The following PTPRG variants were observed in gnomAD, a reference collection of about 807,000 sequenced individuals.
PTPRG encodes protein tyrosine phosphatase receptor type G.
Under a neutral mutation model 165.3 loss-of-function variants are expected in PTPRG, and 102 were observed. The observed-to-expected ratio is 0.62, with a 90% CI of 0.53 to 0.73. The LOEUF is 0.73. PTPRG is among the 30% of genes least tolerant of loss of function. The probability of loss-of-function intolerance (pLI) is 0.00; values close to 1 mark genes in which losing one functional copy is unlikely to be tolerated. For synonymous variants in PTPRG, 675 were observed against 669.5 expected, an observed-to-expected ratio of 1.01 and a Z score of -0.13; for missense variants, 1,866 against 1,861.4, an observed-to-expected ratio of 1.00 and a Z score of -0.05.
intron 2 of PTPRG, among the ~76,000 whole-genome samples, chr3:61,917,781 A>C (rs1048272675): frequency 6.6e-6 from 1 of 152,000 alleles, no homozygotes; most frequent in Non-Finnish European, 1.5e-5. Context: ...AAAATACAAA[A>C]CATTATCCGG....
At chr3:62,291,026 C>A (rs912446049) in intron 28 of PTPRG, among the ~76,000 whole-genome samples, 2 of 152,000 alleles carry the variant, frequency 1.3e-5, no homozygotes, top group Admixed American at 6.6e-5. Context: ...AAAAATAACT[C>A]CTATATAAAT....
intron 2 of PTPRG, among the ~76,000 whole-genome samples, chr3:61,829,584 C>T (rs2036213716): frequency 6.6e-6 from 1 of 152,250 alleles, no homozygotes; most frequent in African/African-American, 2.4e-5. Flanking sequence ...GTCTCTTTCT[C>T]TTGGATTTGA....
At chr3:61,569,576 C>A (rs146367344) in intron 1 of PTPRG, among the ~76,000 whole-genome samples, 13 of 152,322 alleles carry the variant, frequency 8.5e-5, no homozygotes, top group African/African-American at 3.1e-4. Flanking sequence ...ACCTCAACTT[C>A]CCAAAGTGCT....
intron 2 of PTPRG, among the ~76,000 whole-genome samples, chr3:61,934,592 G>A (rs2039439928): frequency 1.3e-5 from 2 of 151,980 alleles, no homozygotes; most frequent in African/African-American, 4.8e-5. Context: ...GATCACAGGT[G>A]GGGACCCCAG....
At chr3:62,181,624 TGG>T (rs1267264101) in intron 8 of PTPRG, among the ~76,000 whole-genome samples, 2 of 152,238 alleles carry the variant, frequency 1.3e-5, no homozygotes, top group Non-Finnish European at 2.9e-5. Context: ...TAGTGCTAGA[TGG>T]GTTTAACCAT....
Position 61,699,907 on chromosome 3 carries a change from A to T in PTPRG, c.86-48971A>T, listed in dbSNP as rs1006964746. Among the ~76,000 whole-genome samples, 8 of 152,168 alleles carry T rather than the reference A, an allele frequency of 5.3e-5. No homozygotes were observed. In the South Asian group the frequency reaches 1.5e-3, roughly 28 times the overall value. ...ATAATAAGGTTAAATACAAAAGGAG[A>T]CTCAACCTCAGAGTGGCTGCTTTTG... On this transcript the variant is annotated intron_variant, in intron 1 of 29. Coordinates refer to ENST00000474889, the MANE Select transcript of PTPRG (RefSeq NM_002841.4).
chr3:62,026,658 C>T (rs2041809661), intron 4 of PTPRG, among the ~76,000 whole-genome samples: 2 of 151,998 alleles, frequency 1.3e-5, no homozygotes, highest in South Asian at 2.1e-4. Context: ...AGGCCAAGGT[C>T]GGTGGATCAT....
At chr3:61,702,688 C>G (rs145133572) in intron 1 of PTPRG, among the ~76,000 whole-genome samples, 186 of 152,336 alleles carry the variant, frequency 1.2e-3, no homozygotes, top group African/African-American at 4.1e-3. Flanking sequence ...CCCAACCCCC[C>G]ACCAGGTAAC....
chr3:62,224,481 C>T lies in PTPRG; in HGVS notation c.2288+5498C>T, dbSNP rs1700717936. ...TGGAACCCTTCACTCCTTCATTCAC[C>T]ACTGGCCACAGATGGTCACACAGCC... On this transcript the variant is annotated intron_variant, in intron 13 of 29. Transcript: ENST00000474889. The surrounding 1 kb of genome is among the most constrained non-coding windows in gnomAD (Gnocchi z 4.9). 1.3e-5 allele frequency among the ~76,000 whole-genome samples: 2 copies of T among 152,226 alleles called. No individual in the cohort carries two copies. The highest frequency in any genetic ancestry group is 2.9e-5 in the Non-Finnish European group (2 of 68,050).
At chr3:62,238,633 T>C (rs1310159541) in intron 14 of PTPRG, among the ~76,000 whole-genome samples, 2 of 152,094 alleles carry the variant, frequency 1.3e-5, no homozygotes, top group African/African-American at 4.8e-5. Flanking sequence ...CACAGAGCTA[T>C]ATATACCCCA....
chr3:61,925,842 C>T (rs1443879085), intron 2 of PTPRG: 5 of 474,038 alleles, frequency 1.1e-5, no homozygotes, highest in African/African-American at 2.0e-5. Flanking sequence ...ACTGGCTTGT[C>T]CCGAGCATGA....
chr3:62,060,151 G>A (rs1700760665), intron 4 of PTPRG, among the ~76,000 whole-genome samples: 1 of 150,858 alleles, frequency 6.6e-6, no homozygotes, highest in Admixed American at 6.6e-5. Flanking sequence ...GGTCGAGGCT[G>A]CAGTGAGCCA....
chr3:61,909,932 C>G (rs890318651), intron 2 of PTPRG, among the ~76,000 whole-genome samples: 1 of 152,114 alleles, frequency 6.6e-6, no homozygotes, highest in Non-Finnish European at 1.5e-5. Context: ...GTTTAGTGAT[C>G]ATACTCTTCA....
At chr3:62,108,112 C>T (rs1031666454) in intron 5 of PTPRG, among the ~76,000 whole-genome samples, 12 of 151,540 alleles carry the variant, frequency 7.9e-5, no homozygotes, top group African/African-American at 1.7e-4. Flanking sequence ...TTGTTACATA[C>T]GTATACACGT....
chr3:62,203,627 T>A lies in PTPRG; in HGVS notation c.1832T>A (p.Val611Glu). 6.4e-7 allele frequency: 1 copy of A among 1,554,752 alleles called. No homozygotes were observed. Among genetic ancestry groups the A allele is most frequent in the South Asian group, 1.2e-5 (1 of 84,342 alleles). Reference sequence around the variant, plus strand: ...TCCGAAAAGAAGGAGAAGAGTGGGGTGACCCACGCTGCCGAGGAGCGGAAT... The same window carrying A: ...TCCGAAAAGAAGGAGAAGAGTGGGGAGACCCACGCTGCCGAGGAGCGGAAT... Reference protein sequence around the residue: ...KDSEKKEKSGVTHAAEERNQT... With the variant: ...KDSEKKEKSGETHAAEERNQT... The change falls in exon 12 of 30, where the codon GTG becomes GAG. Residue 611 changes from valine to glutamate, a missense_variant. Coordinates refer to ENST00000474889, the MANE Select transcript of PTPRG (RefSeq NM_002841.4). This position sits in a 1 kb window ranked among gnomAD's most constrained non-coding sequence, Gnocchi z 6.4.
intron 5 of PTPRG, among the ~76,000 whole-genome samples, chr3:62,107,479 A>AAC (rs1702512655): frequency 2.6e-5 from 4 of 152,256 alleles, no homozygotes; most frequent in Non-Finnish European, 5.9e-5. Context: ...GTCCCAGGCA[A>AAC]TAACCTGCTA....
At chr3:62,026,879 T>TAAAAAAAAAAAAAAAAAAAAAAAAA (rs200417191) in intron 4 of PTPRG, among the ~76,000 whole-genome samples, 4 of 94,690 alleles carry the variant, frequency 4.2e-5, no homozygotes, top group East Asian at 3.0e-4. Flanking sequence ...GAGTGAGAAT[T>TAAAAAAAAAAAAAAAAAAAAAAAAA]AAAAAAAAAA....
At chr3:61,830,926 G>C in intron 2 of PTPRG, among the ~76,000 whole-genome samples, 1 of 152,178 alleles carries the variant, frequency 6.6e-6, no homozygotes, top group East Asian at 1.9e-4. Flanking sequence ...TGGAGCTGTA[G>C]TGAAATTTGT....
chr3:61,759,343 C>T (rs1432026088), intron 2 of PTPRG, among the ~76,000 whole-genome samples: 1 of 152,104 alleles, frequency 6.6e-6, no homozygotes, highest in Non-Finnish European at 1.5e-5. Flanking sequence ...ACTTTTCATT[C>T]ATGTCACTAT....
Sources: allele counts gnomAD v4.1 joint callset (sites outside exome capture counted in the v4.1 genomes callset), GRCh38; gene constraint gnomAD v4.1.1; non-coding constraint Gnocchi (gnomAD v3.1); transcripts MANE v1.5; gene names NCBI Gene and HGNC (gene_info 2026-07-23, HGNC 2026-07-21).